RALGAPA1: variants seen among roughly 807,000 people sequenced by gnomAD.
RALGAPA1 encodes the protein Ral GTPase activating protein catalytic subunit alpha 1, also known as ral GTPase-activating protein subunit alpha-1.
RALGAPA1 carries 52 observed loss-of-function variants against 269.6 expected under a neutral mutation model. The observed-to-expected ratio is 0.19, with a 90% confidence interval of 0.15 to 0.24. The LOEUF (loss-of-function observed/expected upper bound fraction) is 0.24. RALGAPA1 is among the 10% of genes least tolerant of loss of function. The pLI, the probability that RALGAPA1 is intolerant of heterozygous loss-of-function variation, is 1.00. For synonymous variants in RALGAPA1, 817 were observed against 1,008.3 expected, an observed-to-expected ratio of 0.81 and a Z score of 3.60; for missense variants, 1,917 against 3,013.9, an observed-to-expected ratio of 0.64 and a Z score of 8.52.
At chr14:35,643,345 TAAATA>T (rs952583891) in intron 31 of RALGAPA1, among the ~76,000 whole-genome samples, 10 of 151,946 alleles carry the variant, frequency 6.6e-5, no homozygotes, top group Middle Eastern at 3.4e-3. Context: ...AATAATAAAA[TAAATA>T]AAATAAAATG....
intron 38 of RALGAPA1, among the ~76,000 whole-genome samples, chr14:35,572,174 T>C (rs2057255068): frequency 6.6e-6 from 1 of 152,200 alleles, no homozygotes; most frequent in Non-Finnish European, 1.5e-5. Flanking sequence ...CATGCAATCT[T>C]AATAAGATAT....
intron 16 of RALGAPA1, among the ~76,000 whole-genome samples, chr14:35,702,370 C>A (rs1038873459): frequency 8.5e-5 from 13 of 152,206 alleles, no homozygotes; most frequent in African/African-American, 2.6e-4. Context: ...TAAGAACAAT[C>A]TGTAGGTAAA....
At chr14:35,699,700 C>G (rs1046883764) in intron 17 of RALGAPA1, among the ~76,000 whole-genome samples, 2 of 151,720 alleles carry the variant, frequency 1.3e-5, no homozygotes, top group Non-Finnish European at 2.9e-5. Context: ...TACTGATTAC[C>G]CTTACTTAGT....
At chr14:35,563,268 AG>A (rs1189336437) in intron 39 of RALGAPA1, among the ~76,000 whole-genome samples, 2 of 152,222 alleles carry the variant, frequency 1.3e-5, no homozygotes, top group Admixed American at 6.5e-5. Context: ...ATAGTAAAGG[AG>A]GTTTTTTTTC....
chr14:35,596,842 C>G (rs573608142), intron 36 of RALGAPA1, among the ~76,000 whole-genome samples: 9 of 152,280 alleles, frequency 5.9e-5, no homozygotes, highest in African/African-American at 1.7e-4. Context: ...AAAATATTAT[C>G]TGCATATATA....
intron 1 of RALGAPA1, among the ~76,000 whole-genome samples, chr14:35,779,314 C>T (rs1380238409): frequency 1.3e-5 from 2 of 151,860 alleles, no homozygotes; most frequent in Non-Finnish European, 2.9e-5. Flanking sequence ...TTGTTTGAGG[C>T]CAGGAGTTTG....
At chr14:35,729,386 G>A (rs952148846) in intron 12 of RALGAPA1, among the ~76,000 whole-genome samples, 1 of 151,852 alleles carries the variant, frequency 6.6e-6, no homozygotes, top group Non-Finnish European at 1.5e-5. Context: ...ATAAAAAAGA[G>A]CATTTATAAA....
At chr14:35,628,553 T>C (rs2061132842) in intron 33 of RALGAPA1, among the ~76,000 whole-genome samples, 1 of 152,186 alleles carries the variant, frequency 6.6e-6, no homozygotes, top group Non-Finnish European at 1.5e-5. Context: ...ATTAATAGAT[T>C]CCAGATTCAG....
intron 1 of RALGAPA1, among the ~76,000 whole-genome samples, chr14:35,778,686 G>C (rs1178051749): frequency 6.6e-6 from 1 of 152,044 alleles, no homozygotes; most frequent in Non-Finnish European, 1.5e-5. Context: ...TTTTACCTTG[G>C]AAAAGACTGC....
At chr14:35,579,500 C>T (rs1470279478) in intron 37 of RALGAPA1, among the ~76,000 whole-genome samples, 4 of 148,974 alleles carry the variant, frequency 2.7e-5, no homozygotes. Flanking sequence ...CCCAGCTACT[C>T]GGGAGGCTGA....
chr14:35,664,634 T>C lies in RALGAPA1; in HGVS notation c.5328+8A>G, dbSNP rs368425624. The C allele has an allele frequency of 3.1e-6, 5 of 1,597,762 alleles. No homozygotes were observed. Among genetic ancestry groups the C allele is most frequent in the East Asian group, 2.2e-5 (1 of 44,646 alleles). On this transcript the variant is annotated splice_region_variant and intron_variant, in intron 27 of 41. Coordinates refer to ENST00000680220, the MANE Select transcript of RALGAPA1 (RefSeq NM_001346249.2). ...TTAAGTGCTAAAAATTAGCATCTCA[T>C]TTCTTACCTTAACATCTGTAAACTG...
At chr14:35,723,287 T>C (rs763983571) in intron 14 of RALGAPA1, 23 bp from the exon 15 acceptor site, 2 of 1,374,724 alleles carry the variant, frequency 1.5e-6, no homozygotes, top group Admixed American at 1.8e-5. Context: ...ATATCAGAAA[T>C]AACAATAAAA....
In RALGAPA1 at chr14:35,676,231, G is replaced by A. The variant is rs1226816323; in HGVS notation, c.4625-1522C>T. On this transcript the variant is annotated intron_variant, in intron 22 of 41. Transcript: ENST00000680220. ...ATTAAATTCTTTTTTTTTTTTTTGAGACAGTCTCACTCTGTTACCCAGGTT... is the reference window on the plus strand; with the variant it reads ...ATTAAATTCTTTTTTTTTTTTTTGAAACAGTCTCACTCTGTTACCCAGGTT... The A allele has an allele frequency of 2.7e-5, 4 of 148,392 alleles. No homozygotes were observed. The East Asian group carries it at 7.9e-4, about 29-fold the overall frequency. The allele number at this position is 148,392 out of a possible 1,614,324, so 9.2% of individuals were successfully genotyped here.
chr14:35,606,118 G>A (rs1240651432), intron 35 of RALGAPA1, among the ~76,000 whole-genome samples: 2 of 152,190 alleles, frequency 1.3e-5, no homozygotes, highest in African/African-American at 4.8e-5. Flanking sequence ...GGAGTACAGA[G>A]ATGAGTGAGA....
At chr14:35,658,821 T>C (rs1235121207) in intron 28 of RALGAPA1, among the ~76,000 whole-genome samples, 1 of 151,918 alleles carries the variant, frequency 6.6e-6, no homozygotes, top group African/African-American at 2.4e-5. Context: ...CATTTCAAGG[T>C]ACTGCATAAA....
At chr14:35,551,851 A>G (rs2139139264) in intron 39 of RALGAPA1, among the ~76,000 whole-genome samples, 1 of 152,278 alleles carries the variant, frequency 6.6e-6, no homozygotes, top group African/African-American at 2.4e-5. Flanking sequence ...TAATACATTT[A>G]CAATAAATTA....
chr14:35,678,071 A>T lies in RALGAPA1; in HGVS notation c.4503T>A (p.Pro1501=), dbSNP rs758217039. ...GSESASPVHS[P]LGSRSQTPSP... The stretch of plus-strand genomic sequence containing the variant: ...AAGGAGTCTGTGACCTGGAGCCCAG[A>T]GGTGAGTGGACTGGGGAAGCACTTT... Residue 1501 remains proline (P), a synonymous_variant, in exon 22 of 42, where the codon CCT becomes CCA. Coordinates refer to ENST00000680220, the MANE Select transcript of RALGAPA1 (RefSeq NM_001346249.2). The T allele has an allele frequency of 2.5e-6, 4 of 1,608,666 alleles. No homozygotes were observed. The Admixed American group carries it at 6.8e-5, about 27-fold the overall frequency.
intron 10 of RALGAPA1, among the ~76,000 whole-genome samples, chr14:35,746,885 TAACCACTAAAGGAAAAGGAATG>T (rs1371588024): frequency 1.6e-4 from 24 of 150,412 alleles, no homozygotes; most frequent in African/African-American, 5.6e-4. Flanking sequence ...ACTTATACGA[TAACCACTAAAGGAAAAGGAATG>T]GGGGCTGGGG....
intron 16 of RALGAPA1, among the ~76,000 whole-genome samples, chr14:35,703,188 C>T (rs532456242): frequency 7.9e-5 from 12 of 152,214 alleles, no homozygotes; most frequent in African/African-American, 2.2e-4. Flanking sequence ...AAATGTACCC[C>T]TTGGCTGGTG....
Sources: gnomAD v4.1 joint callset for allele counts (sites outside exome capture counted in the v4.1 genomes callset) on GRCh38, gnomAD v4.1.1 for gene constraint, MANE v1.5 for transcripts, NCBI Gene and HGNC (gene_info 2026-07-23, HGNC 2026-07-21) for gene names.